Variants in TMEM117 observed in about 807,000 individuals in gnomAD.
The protein encoded by TMEM117 is transmembrane protein 117.
A neutral mutation model predicts 52.4 loss-of-function variants in TMEM117; 27 were observed. The observed-to-expected ratio is 0.51, with a 90% confidence interval of 0.38 to 0.71. TMEM117 has a LOEUF of 0.71. Among genes scored for constraint, TMEM117 ranks in the 30% least tolerant of loss-of-function variants. The probability of loss-of-function intolerance (pLI) is 0.00; values close to 1 mark genes in which losing one functional copy is unlikely to be tolerated. For synonymous variants in TMEM117, 215 were observed against 206.3 expected (o/e 1.04, Z -0.36); for missense variants, 556 against 630.5 (o/e 0.88, Z 1.26).
chr12:44,142,733 C>G (rs962769190), intron 3 of TMEM117, among the ~76,000 whole-genome samples: 1 of 152,022 alleles, frequency 6.6e-6, no homozygotes, highest in Non-Finnish European at 1.5e-5. Context: ...AAATTTGTCA[C>G]CTAGCTACCA....
At chr12:43,886,520 G>T (rs1264395966) in intron 2 of TMEM117, among the ~76,000 whole-genome samples, 2 of 152,112 alleles carry the variant, frequency 1.3e-5, no homozygotes, top group Non-Finnish European at 2.9e-5. Flanking sequence ...CAAACAGCTT[G>T]CATAGCTTAA....
Position 44,098,591 on chromosome 12 carries a change from T to C in TMEM117, c.411-44934T>C, listed in dbSNP as rs537665018. Among the ~76,000 whole-genome samples, 47 of 152,160 alleles carry C rather than the reference T, an allele frequency of 3.1e-4. 1 individual carries two copies. Among genetic ancestry groups the C allele is most frequent in the African/African-American group, 7.7e-4 (32 of 41,534 alleles). ...GGCCATTAGTATTCTGTGTGTTACA[T>C]CAGTCTACTAAGGGTATATCCCTAA... On this transcript the variant is annotated intron_variant, in intron 3 of 7. Coordinates refer to ENST00000266534, the MANE Select transcript of TMEM117 (RefSeq NM_032256.3).
the TMEM117 span, chr12:43,797,694 T>C: frequency 6.2e-7 from 1 of 1,610,182 alleles, no homozygotes; most frequent in African/African-American, 1.3e-5. Flanking sequence ...TAATAATCAT[T>C]ATACATCTCT....
intron 5 of TMEM117, among the ~76,000 whole-genome samples, chr12:44,295,769 CA>C (rs951872899): frequency 1.3e-5 from 2 of 151,840 alleles, no homozygotes; most frequent in African/African-American, 4.8e-5. Flanking sequence ...TTTCCTCTTC[CA>C]TCCCATTGAT....
intron 5 of TMEM117, among the ~76,000 whole-genome samples, chr12:44,236,868 C>A (rs145990803): frequency 2.0e-5 from 3 of 152,016 alleles, no homozygotes; most frequent in African/African-American, 7.2e-5. Context: ...CACGCAAGGG[C>A]CACTTTATTC....
chr12:43,986,272 AAAG>A (rs1465141204), intron 3 of TMEM117, among the ~76,000 whole-genome samples: 2 of 152,322 alleles, frequency 1.3e-5, no homozygotes, highest in Admixed American at 6.5e-5. Flanking sequence ...AGAAAAATAT[AAAG>A]AAGAAATAAA....
At chr12:44,276,624 G>C (rs2138582369) in intron 5 of TMEM117, among the ~76,000 whole-genome samples, 1 of 152,126 alleles carries the variant, frequency 6.6e-6, no homozygotes, top group South Asian at 2.1e-4. Context: ...ATTTCTAAGA[G>C]AGTAGGTTAA....
intron 4 of TMEM117, among the ~76,000 whole-genome samples, chr12:44,191,624 G>A (rs779597743): frequency 2.0e-5 from 3 of 152,066 alleles, no homozygotes; most frequent in Non-Finnish European, 2.9e-5. Context: ...CAGAAACTCT[G>A]TATGCTCACC....
chr12:44,115,900 G>A (rs925353491), intron 3 of TMEM117, among the ~76,000 whole-genome samples: 10 of 152,158 alleles, frequency 6.6e-5, no homozygotes, highest in African/African-American at 9.7e-5. Flanking sequence ...CTAGAAACAC[G>A]ATCGTGTCTT....
intron 2 of TMEM117, among the ~76,000 whole-genome samples, chr12:43,867,126 A>C (rs1022131426): frequency 6.6e-6 from 1 of 152,178 alleles, no homozygotes; most frequent in Non-Finnish European, 1.5e-5. Flanking sequence ...AACAATGTTT[A>C]AAAGGAAAAT....
At chr12:43,932,288 A>G (rs1944883288) in intron 2 of TMEM117, among the ~76,000 whole-genome samples, 3 of 151,540 alleles carry the variant, frequency 2.0e-5, no homozygotes, top group African/African-American at 2.4e-5. Context: ...ATTTTTAATA[A>G]AAATTCTTTG....
intron 5 of TMEM117, among the ~76,000 whole-genome samples, chr12:44,234,634 T>G (rs900779608): frequency 2.0e-5 from 3 of 151,436 alleles, no homozygotes; most frequent in Admixed American, 6.6e-5. Flanking sequence ...CCTACATTTT[T>G]TTTGCTGTTT....
intron 5 of TMEM117, chr12:44,249,117 C>G (rs1195562750): frequency 6.6e-6 from 1 of 152,164 alleles, no homozygotes. Context: ...GCGGAGCAGG[C>G]ATCTCACATA....
intron 3 of TMEM117, among the ~76,000 whole-genome samples, chr12:43,979,977 A>G (rs2137717698): frequency 6.6e-6 from 1 of 152,160 alleles, no homozygotes; most frequent in East Asian, 1.9e-4. Context: ...GCTTTTTCTT[A>G]TCTCTTGATA....
intron 2 of TMEM117, among the ~76,000 whole-genome samples, chr12:43,930,503 C>T (rs1592371998): frequency 6.6e-6 from 1 of 152,262 alleles, no homozygotes; most frequent in Admixed American, 6.5e-5. Context: ...GCAAATCTCC[C>T]AAGGGGAAAA....
At chr12:44,347,018 T>C (rs1161875859) in intron 6 of TMEM117, among the ~76,000 whole-genome samples, 3 of 152,076 alleles carry the variant, frequency 2.0e-5, no homozygotes. Context: ...TTTAGACAAC[T>C]GAATATAATT....
intron 6 of TMEM117, among the ~76,000 whole-genome samples, chr12:44,359,006 C>T (rs925786320): frequency 1.3e-5 from 2 of 152,082 alleles, no homozygotes; most frequent in East Asian, 3.9e-4. Context: ...GGACATTATC[C>T]CATTAAATCT....
rs937298952 is a variant in TMEM117, at chr12:44,078,772, T to C, written c.411-64753T>C. ...ATGTGAAGAATGTGCAGGTTTGTTA[T>C]ATAGGTATACACATGCCATGGTGGT... On this transcript the variant is annotated intron_variant, in intron 3 of 7. Transcript: ENST00000266534. 1.5e-4 allele frequency among the ~76,000 whole-genome samples: 23 copies of C among 152,174 alleles called. No individual in the cohort carries two copies. The South Asian group carries it at 2.3e-3, about 15-fold the overall frequency.
At chr12:44,000,999 A>G (rs1441399104) in intron 3 of TMEM117, among the ~76,000 whole-genome samples, 1 of 152,176 alleles carries the variant, frequency 6.6e-6, no homozygotes, top group Non-Finnish European at 1.5e-5. Context: ...AAGGGCCCAG[A>G]AAAGCAGATG....
Sources: gnomAD v4.1 joint callset for allele counts (sites outside exome capture counted in the v4.1 genomes callset) on GRCh38, gnomAD v4.1.1 for gene constraint, MANE v1.5 for transcripts, NCBI Gene and HGNC (gene_info 2026-07-23, HGNC 2026-07-21) for gene names.